Variants in EXOC6B observed in about 807,000 individuals in gnomAD.
EXOC6B encodes the protein SEC15 homolog B.
A neutral mutation model predicts 113.5 loss-of-function variants in EXOC6B; 54 were observed. The ratio of observed to expected loss-of-function variants is 0.48; its 90% CI spans 0.38 to 0.60. EXOC6B has a LOEUF of 0.60. Ranked by LOEUF, EXOC6B falls within the 20% of genes least tolerant of loss-of-function variation. The probability of loss-of-function intolerance (pLI) is 0.00; values close to 1 mark genes in which losing one functional copy is unlikely to be tolerated. For synonymous variants in EXOC6B, 357 were observed against 339.0 expected (o/e 1.05, Z -0.58); for missense variants, 797 against 977.5 (o/e 0.82, Z 2.46).
At chr2:72,708,032 A>C (rs1315845347) in intron 6 of EXOC6B, among the ~76,000 whole-genome samples, 1 of 152,082 alleles carries the variant, frequency 6.6e-6, no homozygotes, top group Non-Finnish European at 1.5e-5. Context: ...AATACACTTG[A>C]CTCTACAAAA....
chr2:72,587,217 T>C (rs767085963), intron 6 of EXOC6B, among the ~76,000 whole-genome samples: 1 of 152,178 alleles, frequency 6.6e-6, no homozygotes, highest in Non-Finnish European at 1.5e-5. Flanking sequence ...ATATACATCA[T>C]GGAATACTAG....
chr2:72,479,741 C>G (rs533089850), intron 17 of EXOC6B, among the ~76,000 whole-genome samples: 1 of 152,268 alleles, frequency 6.6e-6, no homozygotes, highest in African/African-American at 2.4e-5. Flanking sequence ...AGCATTTACT[C>G]TCCAGAAACT....
At chr2:72,356,083 A>G (rs1462421727) in intron 19 of EXOC6B, among the ~76,000 whole-genome samples, 1 of 152,224 alleles carries the variant, frequency 6.6e-6, no homozygotes, top group Non-Finnish European at 1.5e-5. Context: ...AGAATTCCTT[A>G]GTATGAAATG....
chr2:72,407,398 C>A (rs1002577408), intron 18 of EXOC6B, among the ~76,000 whole-genome samples: 1 of 152,130 alleles, frequency 6.6e-6, no homozygotes, highest in Non-Finnish European at 1.5e-5. Context: ...TAAAGCCTGG[C>A]AGAGACATAA....
intron 20 of EXOC6B, among the ~76,000 whole-genome samples, chr2:72,268,494 G>T (rs557482373): frequency 6.6e-6 from 1 of 152,274 alleles, no homozygotes; most frequent in East Asian, 1.9e-4. Flanking sequence ...GTTGCAGAAT[G>T]ATGCATAGTA....
chr2:72,517,788 T>C (rs1325004758), intron 8 of EXOC6B, among the ~76,000 whole-genome samples: 6 of 152,196 alleles, frequency 3.9e-5, no homozygotes, highest in African/African-American at 1.4e-4. Context: ...TACCACACTA[T>C]ACTCATTTAA....
chr2:72,798,444 C>A (rs918502794), intron 1 of EXOC6B, among the ~76,000 whole-genome samples: 27 of 151,828 alleles, frequency 1.8e-4, no homozygotes, highest in African/African-American at 5.8e-4. Context: ...TAAAATAGCA[C>A]CATGCGAGAC....
chr2:72,250,043 T>C (rs1478877713), intron 20 of EXOC6B, among the ~76,000 whole-genome samples: 6 of 152,238 alleles, frequency 3.9e-5, no homozygotes, highest in African/African-American at 1.4e-4. Flanking sequence ...TGGCACATGG[T>C]AATACACTTC....
intron 1 of EXOC6B, among the ~76,000 whole-genome samples, chr2:72,793,536 C>T (rs1052861927): frequency 6.6e-6 from 1 of 151,958 alleles, no homozygotes; most frequent in Non-Finnish European, 1.5e-5. Flanking sequence ...GAGATATGAA[C>T]AGGTATGGTC....
At chr2:72,677,630 C>T (rs1236174202) in intron 6 of EXOC6B, among the ~76,000 whole-genome samples, 1 of 152,180 alleles carries the variant, frequency 6.6e-6, no homozygotes, top group Non-Finnish European at 1.5e-5. Context: ...TGACAGTTTA[C>T]TTCCTAACTC....
At chr2:72,635,526 T>A (rs115783722) in intron 6 of EXOC6B, among the ~76,000 whole-genome samples, 4 of 152,074 alleles carry the variant, frequency 2.6e-5, no homozygotes, top group African/African-American at 9.7e-5. Flanking sequence ...AATAGATAAT[T>A]TGAATAGTCC....
chr2:72,185,561 T>G (rs1385083003), intron 20 of EXOC6B, among the ~76,000 whole-genome samples: 1 of 152,168 alleles, frequency 6.6e-6, no homozygotes, highest in Non-Finnish European at 1.5e-5. Flanking sequence ...ACAGGCACAC[T>G]GGTTGGTCTG....
intron 20 of EXOC6B, among the ~76,000 whole-genome samples, chr2:72,313,043 T>A (rs1687299611): frequency 6.6e-6 from 1 of 152,000 alleles, no homozygotes; most frequent in Admixed American, 6.6e-5. Context: ...GGTGTCTCGA[T>A]GAGGGGGATA....
At chr2:72,420,697 A>G (rs1320639749) in intron 18 of EXOC6B, among the ~76,000 whole-genome samples, 1 of 152,178 alleles carries the variant, frequency 6.6e-6, no homozygotes, top group Admixed American at 6.5e-5. Context: ...CAGTAAACAT[A>G]CGTGTGCATG....
chr2:72,514,722 GT>G, intron 9 of EXOC6B, 42 bp from the exon 10 acceptor site: 1 of 1,301,988 alleles, frequency 7.7e-7, no homozygotes, highest in Non-Finnish European at 1.1e-6. Context: ...TTTCTGTTTT[GT>G]TACATTAAGA....
intron 1 of EXOC6B, among the ~76,000 whole-genome samples, chr2:72,795,425 A>T (rs1026888445): frequency 1.3e-5 from 2 of 152,008 alleles, no homozygotes; most frequent in Non-Finnish European, 2.9e-5. Context: ...AATACAAAAA[A>T]ATTAGCCGGG....
chr2:72,401,426 C>A (rs1436673229), intron 18 of EXOC6B, among the ~76,000 whole-genome samples: 1 of 142,406 alleles, frequency 7.0e-6, no homozygotes, highest in Admixed American at 7.4e-5. Flanking sequence ...CATGCCATTG[C>A]ACTCCAGCCT....
chr2:72,446,715 C>T (rs1005605255), intron 18 of EXOC6B, among the ~76,000 whole-genome samples: 6 of 152,078 alleles, frequency 3.9e-5, no homozygotes, highest in Non-Finnish European at 7.4e-5. Context: ...TACAACAAAC[C>T]CCTGTGACAC....
Position 72,701,503 on chromosome 2 carries a change from A to G in EXOC6B, c.669+16600T>C, listed in dbSNP as rs541674625. ...AGGAAAATATTAAAACTCTTAAAAT[A>G]TCCATGGAGAGTCTCTGTCCCTAAA... On this transcript the variant is annotated intron_variant, in intron 6 of 21. Coordinates refer to ENST00000272427, the MANE Select transcript of EXOC6B (RefSeq NM_015189.3). Among the ~76,000 whole-genome samples, 7 of 152,330 alleles carry G rather than the reference A, an allele frequency of 4.6e-5. No individual in the cohort carries two copies. In the South Asian group the frequency reaches 1.2e-3, roughly 27 times the overall value.
Sources: gnomAD v4.1 joint callset for allele counts (sites outside exome capture counted in the v4.1 genomes callset) on GRCh38, gnomAD v4.1.1 for gene constraint, MANE v1.5 for transcripts, NCBI Gene and HGNC (gene_info 2026-07-23, HGNC 2026-07-21) for gene names.